The following SORCS1 variants were observed in gnomAD, a reference collection of about 807,000 sequenced individuals.
SORCS1 encodes sortilin related VPS10 domain containing receptor 1, also known as VPS10 domain-containing receptor SorCS1.
Under a neutral mutation model 146.1 loss-of-function variants are expected in SORCS1, and 60 were observed. The ratio of observed to expected loss-of-function variants is 0.41; its 90% CI spans 0.33 to 0.51. The LOEUF is 0.51. SORCS1 is among the 20% of genes least tolerant of loss of function. The pLI, the probability that SORCS1 is intolerant of heterozygous loss-of-function variation, is 0.21. For missense variants in SORCS1, 1,352 were observed against 1,487.6 expected (o/e 0.91, Z 1.50); for synonymous variants, 637 against 584.0 (o/e 1.09, Z -1.31).
intron 2 of SORCS1, among the ~76,000 whole-genome samples, chr10:106,890,943 C>G (rs1394894697): frequency 1.3e-5 from 2 of 152,040 alleles, no homozygotes; most frequent in Non-Finnish European, 2.9e-5. Flanking sequence ...ACCATGACAG[C>G]TCCAGCAAAA....
chr10:107,033,877 G>A (rs944630641), intron 1 of SORCS1, among the ~76,000 whole-genome samples: 3 of 152,176 alleles, frequency 2.0e-5, no homozygotes, highest in Admixed American at 6.5e-5. Flanking sequence ...CAGCCATGTG[G>A]GGTGAGGGAG....
intron 1 of SORCS1, among the ~76,000 whole-genome samples, chr10:106,980,185 T>A (rs1387331976): frequency 1.3e-5 from 2 of 152,006 alleles, no homozygotes; most frequent in African/African-American, 2.4e-5. Flanking sequence ...AAAAAGCAAA[T>A]CAGAGATGAT....
intron 2 of SORCS1, among the ~76,000 whole-genome samples, chr10:106,831,478 C>T (rs1948541221): frequency 6.6e-6 from 1 of 152,102 alleles, no homozygotes; most frequent in Admixed American, 6.6e-5. Context: ...GTTAACAATG[C>T]TTAGAAATTA....
chr10:106,816,953 T>C (rs1023156756), intron 3 of SORCS1, among the ~76,000 whole-genome samples: 2 of 152,152 alleles, frequency 1.3e-5, no homozygotes, highest in Admixed American at 1.3e-4. Flanking sequence ...TGGGAGTCTG[T>C]AAATGTCAGC....
intron 5 of SORCS1, among the ~76,000 whole-genome samples, chr10:106,756,756 C>A (rs540945468): frequency 6.6e-6 from 1 of 152,312 alleles, no homozygotes; most frequent in East Asian, 1.9e-4. Context: ...ATTGACCCTT[C>A]TGCTGTTAAA....
chr10:106,966,590 T>C (rs1448508095), intron 1 of SORCS1, among the ~76,000 whole-genome samples: 1 of 152,132 alleles, frequency 6.6e-6, no homozygotes, highest in Non-Finnish European at 1.5e-5. Context: ...CAACCAACAG[T>C]GTTGCAGACA....
rs1950624104 is a variant in SORCS1, at chr10:106,877,272, A to C, written c.627-47599T>G. ...GCTAGCATCAGTCTACTTTTGAACA[A>C]GTAGAACTCTATTCAAAGAATAAAG... On this transcript the variant is annotated intron_variant, in intron 2 of 25. Coordinates refer to ENST00000263054, the MANE Select transcript of SORCS1 (RefSeq NM_052918.5). Among the ~76,000 whole-genome samples, 3 of 152,158 alleles carry C rather than the reference A, an allele frequency of 2.0e-5. No homozygotes were observed. In the South Asian group the frequency reaches 6.2e-4, roughly 32 times the overall value.
intron 6 of SORCS1, among the ~76,000 whole-genome samples, chr10:106,729,807 C>T (rs368460772): frequency 1.5e-3 from 231 of 152,174 alleles, no homozygotes; most frequent in African/African-American, 5.0e-3. Context: ...CTAAATCACA[C>T]GATTATTGCC....
chr10:106,690,955 C>A (rs956822816), intron 9 of SORCS1, among the ~76,000 whole-genome samples: 2 of 152,142 alleles, frequency 1.3e-5, no homozygotes, highest in African/African-American at 4.8e-5. Context: ...TTTCTTGGAA[C>A]CTCTACCCTC....
chr10:106,975,956 T>C (rs1955977052), intron 1 of SORCS1, among the ~76,000 whole-genome samples: 1 of 152,094 alleles, frequency 6.6e-6, no homozygotes, highest in African/African-American at 2.4e-5. Context: ...AAGACCAGCC[T>C]GGCCAACGTG....
chr10:107,164,473 G>A lies in SORCS1; in HGVS notation c.54C>T (p.Leu18=). The part of the protein sequence containing the change: ...GGSQARLSAL[L]AGAGLLILCA... ...AGAGGATCAAGAGCCCCGCGCCGGC[G>A]AGGAGCGCGCTCAGCCGGGCTTGGG... Residue 18 remains leucine (L), a synonymous_variant, in exon 1 of 26, where the codon CTC becomes CTT. Transcript: ENST00000263054. The surrounding 1 kb of genome is among the most constrained non-coding windows in gnomAD (Gnocchi z 6.8). The A allele has an allele frequency of 2.2e-6, 3 of 1,364,060 alleles. No homozygotes were observed. Among genetic ancestry groups the A allele is most frequent in the African/African-American group, 1.5e-5 (1 of 65,118 alleles). The allele number at this position is 1,364,060 out of a possible 1,614,324, so 84.5% of individuals were successfully genotyped here.
At chr10:107,129,074 C>T (rs945685805) in intron 1 of SORCS1, among the ~76,000 whole-genome samples, 1 of 152,188 alleles carries the variant, frequency 6.6e-6, no homozygotes, top group Admixed American at 6.5e-5. Flanking sequence ...CAAAAGTTTC[C>T]GTTCAGATTC....
chr10:107,031,665 A>G (rs922771127), intron 1 of SORCS1, among the ~76,000 whole-genome samples: 6 of 151,392 alleles, frequency 4.0e-5, no homozygotes, highest in African/African-American at 1.5e-4. Flanking sequence ...GTGTAGTGAC[A>G]CAATCATAGT....
At chr10:107,107,662 C>G (rs889185040) in intron 1 of SORCS1, among the ~76,000 whole-genome samples, 2 of 152,146 alleles carry the variant, frequency 1.3e-5, no homozygotes, top group Non-Finnish European at 2.9e-5. Context: ...TTGTGGGAAC[C>G]TTGGATTAAT....
chr10:106,929,568 T>C (rs1953280114), intron 2 of SORCS1, among the ~76,000 whole-genome samples: 1 of 152,220 alleles, frequency 6.6e-6, no homozygotes, highest in Non-Finnish European at 1.5e-5. Flanking sequence ...AATCAGCTTC[T>C]GGAAAAGCAG....
At chr10:107,013,802 G>A (rs1003895404) in intron 1 of SORCS1, among the ~76,000 whole-genome samples, 1 of 152,162 alleles carries the variant, frequency 6.6e-6, no homozygotes, top group Non-Finnish European at 1.5e-5. Context: ...GAACCAGGTT[G>A]TTGAAGATTT....
chr10:106,925,695 C>T (rs1317339801), intron 2 of SORCS1, among the ~76,000 whole-genome samples: 2 of 152,326 alleles, frequency 1.3e-5, no homozygotes, highest in South Asian at 2.1e-4. Flanking sequence ...CAGCATTTTA[C>T]ATATCATTAC....
intron 1 of SORCS1, among the ~76,000 whole-genome samples, chr10:107,072,491 C>A (rs1352657758): frequency 1.3e-5 from 2 of 152,124 alleles, no homozygotes. Context: ...TTAATATAAT[C>A]TGTAATTTCA....
intron 2 of SORCS1, among the ~76,000 whole-genome samples, chr10:106,940,334 T>C (rs966411517): frequency 6.6e-6 from 1 of 152,194 alleles, no homozygotes; most frequent in African/African-American, 2.4e-5. Context: ...CTTTCCTCAT[T>C]ACATTTAACT....
Sources: gnomAD v4.1 joint callset for allele counts (sites outside exome capture counted in the v4.1 genomes callset) on GRCh38, gnomAD v4.1.1 for gene constraint, Gnocchi (gnomAD v3.1) non-coding constraint, MANE v1.5 for transcripts, NCBI Gene and HGNC (gene_info 2026-07-23, HGNC 2026-07-21) for gene names.